Variants in GPR160 observed in about 807,000 individuals in gnomAD.
The protein encoded by GPR160 is G protein-coupled receptor 160, also known as probable G protein-coupled receptor 160.
A neutral mutation model predicts 2.6 loss-of-function variants in GPR160; 2 were observed. The ratio of observed to expected loss-of-function variants is 0.77; its 90% CI spans 0.32 to 2.44. The LOEUF (loss-of-function observed/expected upper bound fraction) is 2.44. Among genes scored for constraint, GPR160 ranks in the 30% most tolerant of loss-of-function variants. GPR160 has a pLI of 0.11. For missense variants in GPR160, 351 were observed against 383.6 expected (o/e 0.91, Z 0.71); for synonymous variants, 130 against 132.2 (o/e 0.98, Z 0.12).
intron 2 of GPR160, among the ~76,000 whole-genome samples, chr3:170,075,399 G>A (rs943996114): frequency 6.6e-6 from 1 of 152,052 alleles, no homozygotes; most frequent in Admixed American, 6.5e-5. Flanking sequence ...AATACATCCT[G>A]TTAAAAAAAT....
At chr3:170,039,169 T>G (rs1716337080) in intron 2 of GPR160, 126 bp downstream of exon 2, 2 of 152,250 alleles carry the variant, frequency 1.3e-5, no homozygotes, top group Admixed American at 1.3e-4. Context: ...TGTGTGCTTT[T>G]GTGCATTTAT....
chr3:170,069,869 G>T (rs1460274919), intron 2 of GPR160, among the ~76,000 whole-genome samples: 1 of 152,106 alleles, frequency 6.6e-6, no homozygotes, highest in Admixed American at 6.6e-5. Flanking sequence ...AGCTCTGGGG[G>T]CTGAAAGGGT....
intron 2 of GPR160, among the ~76,000 whole-genome samples, chr3:170,070,792 T>C (rs1712552252): frequency 6.6e-6 from 1 of 152,248 alleles, no homozygotes; most frequent in Non-Finnish European, 1.5e-5. Flanking sequence ...GCACTGTTCA[T>C]TGGAAGTTAT....
At chr3:170,052,192 C>T (rs145737686) in intron 2 of GPR160, among the ~76,000 whole-genome samples, 3,678 of 152,352 alleles carry the variant, frequency 0.024, 129 homozygotes, top group East Asian at 0.088. Context: ...TTCCAAAGTA[C>T]TGGGATTATA....
chr3:170,059,360 A>G (rs1423505034), intron 2 of GPR160, among the ~76,000 whole-genome samples: 4 of 152,256 alleles, frequency 2.6e-5, no homozygotes, highest in African/African-American at 9.6e-5. Flanking sequence ...ATAACTTTAT[A>G]ACAGAGTACT....
intron 2 of GPR160, among the ~76,000 whole-genome samples, chr3:170,043,851 C>T (rs1178985282): frequency 6.6e-6 from 1 of 151,982 alleles, no homozygotes; most frequent in African/African-American, 2.4e-5. Flanking sequence ...AAATATTCTG[C>T]CCTAACGATT....
At chr3:170,062,389 C>A (rs1234290338) in intron 2 of GPR160, 2 of 359,066 alleles carry the variant, frequency 5.6e-6, no homozygotes, top group Non-Finnish European at 1.0e-5. Flanking sequence ...AATCAAAGAT[C>A]TTTTCCTCCG....
intron 3 of GPR160, among the ~76,000 whole-genome samples, chr3:170,081,698 T>C (rs1020366637): frequency 2.6e-5 from 4 of 152,156 alleles, no homozygotes; most frequent in Non-Finnish European, 4.4e-5. Context: ...ACCTAATAGT[T>C]ATTGTTTCTG....
chr3:170,073,043 C>G (rs1424859204), intron 2 of GPR160, among the ~76,000 whole-genome samples: 1 of 151,996 alleles, frequency 6.6e-6, no homozygotes, highest in East Asian at 1.9e-4. Context: ...AAAAACTTAG[C>G]CAAGCATGGT....
chr3:170,060,107 G>A, intron 2 of GPR160, among the ~76,000 whole-genome samples: 1 of 151,894 alleles, frequency 6.6e-6, no homozygotes, highest in Non-Finnish European at 1.5e-5. Context: ...ACGTGCCAAA[G>A]CGGGCATGTG....
intron 2 of GPR160, among the ~76,000 whole-genome samples, chr3:170,068,519 A>G (rs1712449781): frequency 6.6e-6 from 1 of 152,088 alleles, no homozygotes; most frequent in Non-Finnish European, 1.5e-5. Context: ...CCTGTTATTC[A>G]GAGTTTGCAC....
chr3:170,081,980 A>C (rs1030387558), intron 3 of GPR160, among the ~76,000 whole-genome samples: 5 of 152,194 alleles, frequency 3.3e-5, no homozygotes, highest in African/African-American at 1.2e-4. Flanking sequence ...ACTGACAGGT[A>C]TTTGGGTTGA....
chr3:170,077,241 C>T (rs1186087274), intron 2 of GPR160: 2 of 152,136 alleles, frequency 1.3e-5, no homozygotes, highest in Admixed American at 1.3e-4. Flanking sequence ...TTGTCTAACG[C>T]ACATGGTTTT....
At chr3:170,050,652 C>T (rs1355981320) in intron 2 of GPR160, among the ~76,000 whole-genome samples, 1 of 152,178 alleles carries the variant, frequency 6.6e-6, no homozygotes, top group African/African-American at 2.4e-5. Context: ...CATTGAACTT[C>T]TTTCTGTCTC....
chr3:170,062,878 T>A, intron 2 of GPR160: 1 of 433,990 alleles, frequency 2.3e-6, no homozygotes, highest in Non-Finnish European at 4.2e-6. Flanking sequence ...AGGCCGGGTG[T>A]GAACACCAGA....
chr3:170,061,699 TCTAC>T (rs1348594509), intron 2 of GPR160, among the ~76,000 whole-genome samples: 1 of 152,166 alleles, frequency 6.6e-6, no homozygotes, highest in African/African-American at 2.4e-5. Flanking sequence ...TTCCATCTCA[TCTAC>T]ATATATTTAA....
intron 2 of GPR160, among the ~76,000 whole-genome samples, chr3:170,059,534 A>C (rs1282276366): frequency 6.6e-6 from 1 of 152,194 alleles, no homozygotes; most frequent in Non-Finnish European, 1.5e-5. Flanking sequence ...TACTAATGTC[A>C]TTGGGAACCA....
chr3:170,084,112 G>A lies in GPR160; in HGVS notation c.140G>A (p.Arg47Lys). 6.3e-7 allele frequency: 1 copy of A among 1,596,370 alleles called. No homozygotes were observed. The highest frequency in any genetic ancestry group is 8.5e-7 in the Non-Finnish European group (1 of 1,171,268). ...LLNILTLGMRRKNTCQNFMEY... is the reference protein window; with the variant it reads ...LLNILTLGMRKKNTCQNFMEY... ...AATATCCTTACACTAGGAATGAGAAGAAAAAACACCTGTCAAAATTTTATG... is the reference window on the plus strand; with the variant it reads ...AATATCCTTACACTAGGAATGAGAAAAAAAAACACCTGTCAAAATTTTATG... The change falls in exon 4 of 4, where the codon AGA becomes AAA. Residue 47 changes from arginine to lysine, a missense_variant. By Grantham distance (26) the Arg-to-Lys change is conservative (BLOSUM62 2). Coordinates refer to ENST00000355897, the MANE Select transcript of GPR160 (RefSeq NM_014373.3).
At chr3:170,083,794 C>A in intron 3 of GPR160, 111 bp from the exon 4 acceptor site, 1 of 423,820 alleles carries the variant, frequency 2.4e-6, no homozygotes, top group Non-Finnish European at 4.1e-6. Context: ...AATTCTTATT[C>A]ATATATTTAT....
Sources: gnomAD v4.1 joint callset for allele counts (sites outside exome capture counted in the v4.1 genomes callset) on GRCh38, gnomAD v4.1.1 for gene constraint, MANE v1.5 for transcripts, NCBI Gene and HGNC (gene_info 2026-07-23, HGNC 2026-07-21) for gene names.